BAZ2B: variants seen among roughly 807,000 people sequenced by gnomAD.
BAZ2B encodes the protein bromodomain adjacent to zinc finger domain 2B, also known as bromodomain adjacent to zinc finger domain protein 2B.
BAZ2B carries 91 observed loss-of-function variants against 246.0 expected under a neutral mutation model. That is an observed-to-expected ratio of 0.37 (90% CI 0.31 to 0.44). BAZ2B has a LOEUF of 0.44. Ranked by LOEUF, BAZ2B falls within the 20% of genes least tolerant of loss-of-function variation. The probability of loss-of-function intolerance (pLI) is 1.00; values close to 1 mark genes in which losing one functional copy is unlikely to be tolerated. For missense variants in BAZ2B, 2,332 were observed against 2,533.7 expected (o/e 0.92, Z 1.71); for synonymous variants, 855 against 860.0 (o/e 0.99, Z 0.10).
chr2:159,574,116 GAC>G (rs1432855475), intron 1 of BAZ2B, among the ~76,000 whole-genome samples: 1 of 123,732 alleles, frequency 8.1e-6, no homozygotes, highest in East Asian at 2.8e-4. Context: ...TGGAGAGACT[GAC>G]AGACACACAC....
chr2:159,697,890 C>T, the BAZ2B span, among the ~76,000 whole-genome samples: 284 of 152,052 alleles, frequency 1.9e-3, 2 homozygotes, highest in African/African-American at 5.8e-3. Flanking sequence ...ATTTTATATG[C>T]GGGTTAGAGT....
At position 159,611,840 on chromosome 2, in the gene BAZ2B, T is replaced by C. The variant is rs540632100; in HGVS notation, c.-46+4402A>G. Among the ~76,000 whole-genome samples the C allele has an allele frequency of 3.6e-3, 548 of 151,934 alleles. 4 individuals carry two copies. Among genetic ancestry groups the C allele is most frequent in the African/African-American group, 0.012 (514 of 41,534 alleles). On this transcript the variant is annotated intron_variant, in intron 1 of 36. Transcript: ENST00000392783. ...TTATTTACATGAATTTTTTAATGGA[T>C]GTTTCTGTGTTGGGATTATCACTTT...
At chr2:159,633,558 A>G in the BAZ2B span, among the ~76,000 whole-genome samples, 9,683 of 152,106 alleles carry the variant, frequency 0.064, 988 homozygotes, top group African/African-American at 0.22. Context: ...GTACTACCAC[A>G]TGCCATTTGG....
chr2:159,400,848 G>A (rs773076860), intron 16 of BAZ2B, among the ~76,000 whole-genome samples, 184 bp from the exon 17 acceptor site: 28 of 152,050 alleles, frequency 1.8e-4, no homozygotes, highest in Non-Finnish European at 3.4e-4. Context: ...AGACCATCCT[G>A]GCTAACACAG....
chr2:159,629,239 G>C, the BAZ2B span, among the ~76,000 whole-genome samples: 1 of 152,166 alleles, frequency 6.6e-6, no homozygotes, highest in Non-Finnish European at 1.5e-5. Flanking sequence ...GTGTAAATTA[G>C]TTCAACCATT....
the BAZ2B span, among the ~76,000 whole-genome samples, chr2:159,657,412 C>T: frequency 6.6e-6 from 1 of 152,148 alleles, no homozygotes; most frequent in African/African-American, 2.4e-5. Context: ...CATCCTCTAA[C>T]CTTGTTCTTC....
chr2:159,468,443 GA>G (rs763087637), intron 3 of BAZ2B, among the ~76,000 whole-genome samples: 1 of 152,302 alleles, frequency 6.6e-6, no homozygotes, highest in Non-Finnish European at 1.5e-5. Context: ...AGTCTAGCAT[GA>G]AAAAGCAGAA....
chr2:159,583,319 T>C (rs1368176163), intron 1 of BAZ2B, among the ~76,000 whole-genome samples: 1 of 152,140 alleles, frequency 6.6e-6, no homozygotes, highest in African/African-American at 2.4e-5. Flanking sequence ...TTCGCCATGT[T>C]GGCCAGGCTG....
intron 2 of BAZ2B, among the ~76,000 whole-genome samples, chr2:159,534,311 G>GT (rs976094946): frequency 1.2e-4 from 19 of 152,150 alleles, no homozygotes; most frequent in African/African-American, 4.6e-4. Context: ...AACCTAGATG[G>GT]TAAAGACTAC....
intron 3 of BAZ2B, among the ~76,000 whole-genome samples, chr2:159,475,348 T>C (rs2078390566): frequency 6.6e-6 from 1 of 152,256 alleles, no homozygotes; most frequent in Non-Finnish European, 1.5e-5. Context: ...GATTCGGCTG[T>C]TGATACTTGT....
At chr2:159,673,755 T>TA in the BAZ2B span, among the ~76,000 whole-genome samples, 1 of 151,880 alleles carries the variant, frequency 6.6e-6, no homozygotes, top group African/African-American at 2.4e-5. Context: ...ATCAAAACTA[T>TA]AAAAAAGTAC....
chr2:159,564,392 ATGTGATT>A (rs2090162629), intron 1 of BAZ2B, among the ~76,000 whole-genome samples: 1 of 152,142 alleles, frequency 6.6e-6, no homozygotes. Context: ...TAAGTGAATG[ATGTGATT>A]TGATTTAAAA....
chr2:159,399,016 AG>A (rs770476200), intron 17 of BAZ2B, 122 bp from the exon 18 acceptor site: 162 of 701,442 alleles, frequency 2.3e-4, no homozygotes, highest in Non-Finnish European at 3.6e-4. Context: ...ACACATATGT[AG>A]ACAATTACAG....
chr2:159,520,072 C>A (rs2083966675), intron 2 of BAZ2B, among the ~76,000 whole-genome samples: 1 of 151,970 alleles, frequency 6.6e-6, no homozygotes, highest in Admixed American at 6.5e-5. Flanking sequence ...AAAACTGATA[C>A]AAAGGAAATG....
At chr2:159,458,480 C>T (rs929856157) in intron 3 of BAZ2B, 4 of 152,254 alleles carry the variant, frequency 2.6e-5, no homozygotes, top group South Asian at 2.1e-4. Context: ...CACCCACCAC[C>T]ATGCCCGGCT....
At chr2:159,355,550 A>G (rs2059015739) in intron 27 of BAZ2B, among the ~76,000 whole-genome samples, 2 of 152,208 alleles carry the variant, frequency 1.3e-5, no homozygotes, top group African/African-American at 4.8e-5. Context: ...TGCTTTAACC[A>G]TATCCTAATA....
rs368232748 is a variant in BAZ2B, at chr2:159,488,268, T to C, written c.-2-9547A>G. 3.0e-4 allele frequency among the ~76,000 whole-genome samples: 46 copies of C among 152,210 alleles called. 1 individual carries two copies. Among genetic ancestry groups the C allele is most frequent in the African/African-American group, 1.1e-3 (45 of 41,522 alleles). ...TTGTATTTTTAATAGACACAGGATT[T>C]CACCATGTTGCCCAGGCTGGTCTTG... On this transcript the variant is annotated intron_variant, in intron 2 of 36. Coordinates refer to ENST00000392783, the MANE Select transcript of BAZ2B (RefSeq NM_013450.4).
chr2:159,517,652 C>T (rs1298049770), intron 2 of BAZ2B, among the ~76,000 whole-genome samples: 1 of 152,028 alleles, frequency 6.6e-6, no homozygotes, highest in Non-Finnish European at 1.5e-5. Context: ...TGTATTTATT[C>T]ATTTTGCAAA....
intron 31 of BAZ2B, among the ~76,000 whole-genome samples, chr2:159,339,806 T>G (rs1431068063): frequency 1.3e-5 from 2 of 152,050 alleles, no homozygotes; most frequent in African/African-American, 4.8e-5. Flanking sequence ...CTGGGTGAAA[T>G]AAGCCAGATA....
Sources: gnomAD v4.1 joint callset for allele counts (sites outside exome capture counted in the v4.1 genomes callset) on GRCh38, gnomAD v4.1.1 for gene constraint, MANE v1.5 for transcripts, NCBI Gene and HGNC (gene_info 2026-07-23, HGNC 2026-07-21) for gene names.